RTN1: variants seen among roughly 807,000 people sequenced by gnomAD.
RTN1 encodes the protein reticulon-1.
RTN1 carries 25 observed loss-of-function variants against 65.5 expected under a neutral mutation model. That is an observed-to-expected ratio of 0.38 (90% CI 0.28 to 0.53). RTN1 has a LOEUF of 0.53. Among genes scored for constraint, RTN1 ranks in the 20% least tolerant of loss-of-function variants. The pLI is 0.79. For synonymous variants in RTN1, 471 were observed against 447.6 expected (o/e 1.05, Z -0.66); for missense variants, 983 against 1,025.4 (o/e 0.96, Z 0.57).
At chr14:59,789,891 A>C (rs879839201) in intron 1 of RTN1, among the ~76,000 whole-genome samples, 1 of 152,150 alleles carries the variant, frequency 6.6e-6, no homozygotes, top group Non-Finnish European at 1.5e-5. Flanking sequence ...TCAAGAAATA[A>C]AGCAAGTTGC....
intron 1 of RTN1, among the ~76,000 whole-genome samples, chr14:59,779,951 G>A (rs1350663225): frequency 6.6e-6 from 1 of 152,164 alleles, no homozygotes; most frequent in Admixed American, 6.5e-5. Flanking sequence ...AGGAAATTAA[G>A]CCCAGAATCA....
At chr14:59,697,261 C>T (rs1453644322) in intron 3 of RTN1, among the ~76,000 whole-genome samples, 1 of 152,100 alleles carries the variant, frequency 6.6e-6, no homozygotes, top group African/African-American at 2.4e-5. Flanking sequence ...CCTTTGTGTT[C>T]CTTGTTCACA....
At chr14:59,614,199 T>G (rs1164501036) in intron 3 of RTN1, among the ~76,000 whole-genome samples, 1 of 152,148 alleles carries the variant, frequency 6.6e-6, no homozygotes, top group Non-Finnish European at 1.5e-5. Context: ...CTCCTGAGTA[T>G]TTTCCTCCTT....
chr14:59,695,755 A>G (rs1225592223), intron 3 of RTN1, among the ~76,000 whole-genome samples: 1 of 152,128 alleles, frequency 6.6e-6, no homozygotes, highest in Non-Finnish European at 1.5e-5. Context: ...TTTTTCCAAT[A>G]AATATTATCT....
chr14:59,795,399 T>A (rs890778560), intron 1 of RTN1, among the ~76,000 whole-genome samples: 5 of 152,162 alleles, frequency 3.3e-5, no homozygotes, highest in Admixed American at 1.3e-4. Context: ...GAACTTTTTT[T>A]AATACATAAA....
intron 2 of RTN1, among the ~76,000 whole-genome samples, chr14:59,740,108 T>C (rs920549813): frequency 6.6e-6 from 1 of 152,202 alleles, no homozygotes; most frequent in Non-Finnish European, 1.5e-5. Context: ...CTTTCACCCT[T>C]TCCCACTCTC....
chr14:59,700,486 C>A (rs1884154503), intron 3 of RTN1, among the ~76,000 whole-genome samples: 1 of 152,026 alleles, frequency 6.6e-6, no homozygotes, highest in Non-Finnish European at 1.5e-5. Context: ...TACAAAGCTA[C>A]AATAGTCAAG....
intron 1 of RTN1, among the ~76,000 whole-genome samples, chr14:59,787,181 C>T (rs994481897): frequency 6.6e-6 from 1 of 152,042 alleles, no homozygotes; most frequent in African/African-American, 2.4e-5. Flanking sequence ...TGCACTGGCC[C>T]AGGAAGCCCT....
At chr14:59,827,404 T>C (rs1407271677) in intron 1 of RTN1, among the ~76,000 whole-genome samples, 1 of 152,114 alleles carries the variant, frequency 6.6e-6, no homozygotes, top group Non-Finnish European at 1.5e-5. Context: ...GCAGTTTTTT[T>C]CTTTGCATCG....
chr14:59,609,136 G>A lies in RTN1; in HGVS notation c.1766-1644C>T, dbSNP rs373246843. On this transcript the variant is annotated intron_variant, in intron 3 of 8. Coordinates refer to ENST00000267484, the MANE Select transcript of RTN1 (RefSeq NM_021136.3). Reference sequence around the variant, plus strand: ...CCCGTCTCTACTAAAAATAACAAAAGTAGCTGGGCATGGTGGCAGGCACCT... The same window carrying A: ...CCCGTCTCTACTAAAAATAACAAAAATAGCTGGGCATGGTGGCAGGCACCT... Among the ~76,000 whole-genome samples, 20 of 151,852 alleles carry A rather than the reference G, an allele frequency of 1.3e-4. 3 individuals carry two copies. The highest frequency in any genetic ancestry group is 7.2e-4 in the Admixed American group (11 of 15,256).
Position 59,726,947 on chromosome 14 carries a change from G to C in RTN1, c.1737C>G (p.Pro579=). Reference sequence around the variant, plus strand: ...TTTGCTTATTGAGAAACAGCAGTGGGGGCGGGGCGCCAGGACCTAGAGGCC... The same window carrying C: ...TTTGCTTATTGAGAAACAGCAGTGGCGGCGGGGCGCCAGGACCTAGAGGCC... ...GPGPLGPGAP[P]PLLFLNKQKA... Residue 579 remains proline, a synonymous_variant, in exon 3 of 9, where the codon CCC becomes CCG. Transcript: ENST00000267484. The C allele has an allele frequency of 1.9e-6, 3 of 1,613,136 alleles. No homozygotes were observed. Among genetic ancestry groups the C allele is most frequent in the East Asian group, 2.2e-5 (1 of 44,838 alleles).
intron 3 of RTN1, among the ~76,000 whole-genome samples, chr14:59,663,607 A>T (rs1243426920): frequency 6.6e-6 from 1 of 151,354 alleles, no homozygotes; most frequent in Admixed American, 6.6e-5. Flanking sequence ...AATATCCAGA[A>T]TCTACAAGGA....
chr14:59,705,977 C>G (rs1466462319), intron 3 of RTN1, among the ~76,000 whole-genome samples: 1 of 152,190 alleles, frequency 6.6e-6, no homozygotes, highest in African/African-American at 2.4e-5. Flanking sequence ...CAGAAAGCGG[C>G]TCTCTCTGAA....
At chr14:59,781,170 AC>A (rs1886147774) in intron 1 of RTN1, among the ~76,000 whole-genome samples, 1 of 151,934 alleles carries the variant, frequency 6.6e-6, no homozygotes, top group South Asian at 2.1e-4. Flanking sequence ...TAGGATCCAA[AC>A]CCAAGTCTCC....
chr14:59,861,490 A>G (rs975311267), intron 1 of RTN1, among the ~76,000 whole-genome samples: 2 of 152,232 alleles, frequency 1.3e-5, no homozygotes, highest in South Asian at 2.1e-4. Flanking sequence ...ATAATGTAAC[A>G]ATAACAATGT....
chr14:59,645,007 G>C (rs73309616), intron 3 of RTN1, among the ~76,000 whole-genome samples: 2,997 of 151,946 alleles, frequency 0.02, 102 homozygotes, highest in African/African-American at 0.068. Flanking sequence ...AGCTCTTCTT[G>C]CCATAGGGCT....
rs150077077 is a variant in RTN1, at chr14:59,819,118, G to C, written c.241+51272C>G. On this transcript the variant is annotated intron_variant, in intron 1 of 8. Transcript: ENST00000267484. ...TCCAGAGTTGTTCATCCCTCCCAGTGGATTTGTGGTCTCGCTGGCTTCAGA... is the reference window on the plus strand; with the variant it reads ...TCCAGAGTTGTTCATCCCTCCCAGTCGATTTGTGGTCTCGCTGGCTTCAGA... Among the ~76,000 whole-genome samples, 26 of 152,184 alleles carry C rather than the reference G, an allele frequency of 1.7e-4. No individual in the cohort carries two copies. The East Asian group carries it at 5.0e-3, about 29-fold the overall frequency.
intron 1 of RTN1, among the ~76,000 whole-genome samples, chr14:59,758,106 TC>T (rs1469161089): frequency 1.3e-5 from 2 of 152,176 alleles, no homozygotes; most frequent in Non-Finnish European, 2.9e-5. Flanking sequence ...TTTGCCTAGT[TC>T]AAAATGTCAT....
chr14:59,748,087 G>A (rs1885265298), intron 1 of RTN1, among the ~76,000 whole-genome samples: 1 of 151,966 alleles, frequency 6.6e-6, no homozygotes, highest in Non-Finnish European at 1.5e-5. Context: ...AAACAAAGGG[G>A]TTAAATAACT....
Sources: allele counts gnomAD v4.1 joint callset (sites outside exome capture counted in the v4.1 genomes callset), GRCh38; gene constraint gnomAD v4.1.1; transcripts MANE v1.5; gene names NCBI Gene and HGNC (gene_info 2026-07-23, HGNC 2026-07-21).